RTN4: variants seen among roughly 807,000 people sequenced by gnomAD.
RTN4 encodes the protein reticulon 4, also known as reticulon-4.
In RTN4, 32 loss-of-function variants were observed where a neutral mutation model predicts 90.4. That is an observed-to-expected ratio of 0.35 (90% CI 0.27 to 0.48). The LOEUF (loss-of-function observed/expected upper bound fraction) is 0.48, where lower values mean the gene tolerates loss of function less well. RTN4 is among the 20% of genes least tolerant of loss of function. The pLI is 0.99. For synonymous variants in RTN4, 629 were observed against 552.5 expected, an observed-to-expected ratio of 1.14 and a Z score of -1.94; for missense variants, 1,706 against 1,430.2, an observed-to-expected ratio of 1.19 and a Z score of -3.11.
Position 55,025,490 on chromosome 2 carries a change from T to C in RTN4, c.2609A>G (p.Glu870Gly), listed in dbSNP as rs1681768417. 6.2e-7 allele frequency: 1 copy of C among 1,613,614 alleles called. No individual in the cohort carries two copies. The highest frequency in any genetic ancestry group is 1.1e-5 in the South Asian group (1 of 91,074). Residue 870 changes from glutamate (E) to glycine (G), a missense_variant, in exon 3 of 9, where the codon GAG (glutamate) becomes GGG (glycine). Coordinates refer to ENST00000337526, the MANE Select transcript of RTN4 (RefSeq NM_020532.5). ...SDSSPIEIID[E>G]FPTLISSKTD... ...TTTAGAACTGATCAATGTAGGGAAC[T>C]CATCTATAATTTCAATTGGAGATGA...
chr2:55,017,093 T>C (rs1344693840), intron 3 of RTN4, among the ~76,000 whole-genome samples: 1 of 152,214 alleles, frequency 6.6e-6, no homozygotes, highest in African/African-American at 2.4e-5. Flanking sequence ...AGTCAGGTTC[T>C]AATTTAGCTA....
At chr2:55,086,849 G>A (rs1282260825) in intron 1 of RTN4, among the ~76,000 whole-genome samples, 4 of 138,080 alleles carry the variant, frequency 2.9e-5, no homozygotes, top group East Asian at 2.0e-4. Flanking sequence ...TTTTGTAGAC[G>A]ATTTCTCACT....
chr2:55,081,616 C>A (rs561076748), intron 1 of RTN4, among the ~76,000 whole-genome samples: 5 of 152,178 alleles, frequency 3.3e-5, no homozygotes, highest in Non-Finnish European at 5.9e-5. Context: ...GTAATCCCAG[C>A]ATTTTGGAGG....
At chr2:55,118,914 A>G in the RTN4 span, among the ~76,000 whole-genome samples, 5 of 152,340 alleles carry the variant, frequency 3.3e-5, no homozygotes, top group South Asian at 6.2e-4. Flanking sequence ...TCTGCATTCT[A>G]TTTCCTTGTA....
At chr2:55,005,317 TAAATA>T (rs1680133587) in intron 3 of RTN4, among the ~76,000 whole-genome samples, 2 of 152,230 alleles carry the variant, frequency 1.3e-5, no homozygotes, top group South Asian at 4.1e-4. Flanking sequence ...CAGACTTGGG[TAAATA>T]AAATAGAAAG....
chr2:55,114,549 A>C (rs1003867286), upstream of RTN4, among the ~76,000 whole-genome samples: 19 of 152,140 alleles, frequency 1.2e-4, no homozygotes. Flanking sequence ...AAATACAAAA[A>C]TTAGATGAGC....
chr2:55,092,223 ATT>A (rs1158247126), intron 1 of RTN4, among the ~76,000 whole-genome samples: 1 of 137,952 alleles, frequency 7.2e-6, no homozygotes, highest in Non-Finnish European at 1.6e-5. Context: ...GAAGGGAGAG[ATT>A]TTTTTTTCTT....
At chr2:55,003,577 T>G (rs966330656) in intron 3 of RTN4, among the ~76,000 whole-genome samples, 1 of 152,160 alleles carries the variant, frequency 6.6e-6, no homozygotes, top group African/African-American at 2.4e-5. Context: ...AAGAAAAGTA[T>G]TGCCTAAATT....
At chr2:55,121,108 C>G in the RTN4 span, among the ~76,000 whole-genome samples, 1 of 152,250 alleles carries the variant, frequency 6.6e-6, no homozygotes, top group Non-Finnish European at 1.5e-5. Context: ...AGCAACAGCT[C>G]TATGTCCTGA....
intron 3 of RTN4, among the ~76,000 whole-genome samples, chr2:54,990,244 T>G (rs1330447948): frequency 6.6e-6 from 1 of 152,220 alleles, no homozygotes; most frequent in African/African-American, 2.4e-5. Context: ...CAGTCAATAG[T>G]TGTATGTATT....
At chr2:55,076,999 G>A (rs1218800889) in intron 2 of RTN4, among the ~76,000 whole-genome samples, 2 of 133,598 alleles carry the variant, frequency 1.5e-5, no homozygotes, top group Non-Finnish European at 3.1e-5. Context: ...AAATTGCCCA[G>A]TCTCAGGCAG....
chr2:54,989,562 C>A (rs1159933838), intron 3 of RTN4, among the ~76,000 whole-genome samples: 2 of 152,140 alleles, frequency 1.3e-5, no homozygotes, highest in East Asian at 1.9e-4. Context: ...AGGTTTCTGG[C>A]AATCAGCAAA....
intron 3 of RTN4, among the ~76,000 whole-genome samples, chr2:55,007,757 G>A (rs994248982): frequency 6.6e-6 from 1 of 152,052 alleles, no homozygotes; most frequent in Non-Finnish European, 1.5e-5. Flanking sequence ...CTACAGAGAA[G>A]TATGAGGAAA....
chr2:55,052,053 G>C (rs759487696), upstream of RTN4, among the ~76,000 whole-genome samples: 9 of 152,286 alleles, frequency 5.9e-5, no homozygotes, highest in African/African-American at 1.2e-4. Flanking sequence ...AGAAAAGTAA[G>C]AGTTGGAGGG....
At chr2:55,124,717 A>G in the RTN4 span, among the ~76,000 whole-genome samples, 43,764 of 152,214 alleles carry the variant, frequency 0.29, 7,182 homozygotes, top group East Asian at 0.57. Context: ...AAACTATTTT[A>G]AAATTTATAT....
At chr2:55,076,175 T>G (rs1668595306) in intron 2 of RTN4, among the ~76,000 whole-genome samples, 1 of 152,122 alleles carries the variant, frequency 6.6e-6, no homozygotes, top group Non-Finnish European at 1.5e-5. Context: ...ACATTCATAA[T>G]CTATACATCC....
At chr2:55,133,674 C>T in the RTN4 span, among the ~76,000 whole-genome samples, 1 of 152,156 alleles carries the variant, frequency 6.6e-6, no homozygotes, top group African/African-American at 2.4e-5. Context: ...GGACCCTGAG[C>T]TGGTTAAGTG....
Position 55,027,121 on chromosome 2 carries a change from T to C in RTN4, c.978A>G (p.Lys326=), listed in dbSNP as rs1681954246. The C allele has an allele frequency of 2.5e-6, 4 of 1,613,470 alleles. No individual in the cohort carries two copies. In the South Asian group the frequency reaches 4.4e-5, roughly 18 times the overall value. ...VANPREEIIV[K]NKDEEEKLVS... ...CTAACTTCTCTTCTTCATCTTTATTTTTCACGATTATTTCTTCCCTAGGAT... is the reference window on the plus strand; with the variant it reads ...CTAACTTCTCTTCTTCATCTTTATTCTTCACGATTATTTCTTCCCTAGGAT... Residue 326 remains lysine, a synonymous_variant, in exon 3 of 9, where the codon AAA becomes AAG. Coordinates refer to ENST00000337526, the MANE Select transcript of RTN4 (RefSeq NM_020532.5).
intron 4 of RTN4, among the ~76,000 whole-genome samples, chr2:54,983,064 T>TG (rs1261050150): frequency 6.6e-6 from 1 of 151,602 alleles, no homozygotes; most frequent in African/African-American, 2.4e-5. Context: ...TGACTATGGT[T>TG]GTTTTTTTTT....
Sources: allele counts gnomAD v4.1 joint callset (sites outside exome capture counted in the v4.1 genomes callset), GRCh38; gene constraint gnomAD v4.1.1; transcripts MANE v1.5; gene names NCBI Gene and HGNC (gene_info 2026-07-23, HGNC 2026-07-21).